The following MAGI2 variants were observed in gnomAD, a reference collection of about 807,000 sequenced individuals.
The protein encoded by MAGI2 is membrane associated guanylate kinase, WW and PDZ domain containing 2, also known as membrane-associated guanylate kinase, WW and PDZ domain-containing protein 2.
MAGI2 carries 35 observed loss-of-function variants against 133.3 expected under a neutral mutation model. The ratio of observed to expected loss-of-function variants is 0.26; its 90% CI spans 0.20 to 0.35. The LOEUF is 0.35. Among genes scored for constraint, MAGI2 ranks in the 10% least tolerant of loss-of-function variants. The pLI is 1.00. For synonymous variants in MAGI2, 729 were observed against 710.6 expected (o/e 1.03, Z -0.41); for missense variants, 1,636 against 1,863.4 (o/e 0.88, Z 2.25).
intron 15 of MAGI2, among the ~76,000 whole-genome samples, chr7:78,167,044 ATCAAGGGG>A (rs1825687853): frequency 6.6e-6 from 1 of 152,004 alleles, no homozygotes; most frequent in South Asian, 2.1e-4. Flanking sequence ...TATGAGGGCT[ATCAAGGGG>A]TCAAGCAGAG....
intron 6 of MAGI2, among the ~76,000 whole-genome samples, chr7:78,456,016 A>C (rs752430368): frequency 2.0e-5 from 3 of 151,784 alleles, no homozygotes; most frequent in Non-Finnish European, 4.4e-5. Context: ...ATCTTTGTCA[A>C]CTTGAGATGA....
At position 78,111,710 on chromosome 7, in the gene MAGI2, C is replaced by T. The variant is rs1214316117; in HGVS notation, c.3567+13984G>A. On this transcript the variant is annotated intron_variant, in intron 20 of 21. Coordinates refer to ENST00000354212, the MANE Select transcript of MAGI2 (RefSeq NM_012301.4). ...TCTGTGAGAGGCTTTTCTTTTCCTT[C>T]GTAAAAGGCATGGAGCAGGGCCAGA... Among the ~76,000 whole-genome samples the T allele has an allele frequency of 3.9e-5, 6 of 152,116 alleles. No homozygotes were observed. The South Asian group carries it at 8.3e-4, about 21-fold the overall frequency.
At chr7:78,425,320 C>A (rs144680183) in intron 6 of MAGI2, among the ~76,000 whole-genome samples, 165 of 152,256 alleles carry the variant, frequency 1.1e-3, no homozygotes, top group African/African-American at 3.3e-3. Context: ...GCTTCCTCAG[C>A]CACGTGGAAC....
intron 2 of MAGI2, among the ~76,000 whole-genome samples, chr7:78,888,534 C>A (rs950517387): frequency 1.3e-5 from 2 of 152,188 alleles, no homozygotes; most frequent in Non-Finnish European, 2.9e-5. Flanking sequence ...GACAAAACTT[C>A]CAGAGGAACG....
intron 2 of MAGI2, among the ~76,000 whole-genome samples, chr7:78,646,005 C>G (rs1810851440): frequency 6.6e-6 from 1 of 152,184 alleles, no homozygotes; most frequent in Admixed American, 6.5e-5. Context: ...TCCCAAAGTG[C>G]TGGGATTACA....
chr7:78,122,958 A>G (rs980813331), intron 20 of MAGI2, among the ~76,000 whole-genome samples: 4 of 152,266 alleles, frequency 2.6e-5, no homozygotes, highest in Non-Finnish European at 5.9e-5. Flanking sequence ...TCCCAATTTT[A>G]TTAGGCCATT....
intron 9 of MAGI2, among the ~76,000 whole-genome samples, chr7:78,271,305 G>A (rs182834712): frequency 1.3e-3 from 199 of 152,280 alleles, no homozygotes; most frequent in African/African-American, 3.5e-3. Flanking sequence ...GGATGAAGCC[G>A]ACTTGATCGT....
At chr7:78,887,598 C>G (rs542528587) in intron 2 of MAGI2, among the ~76,000 whole-genome samples, 7 of 152,338 alleles carry the variant, frequency 4.6e-5, no homozygotes, top group Admixed American at 3.3e-4. Flanking sequence ...ATAAGACTAA[C>G]CAACTGATAC....
intron 1 of MAGI2, among the ~76,000 whole-genome samples, chr7:79,116,995 G>C (rs772483655): frequency 2.6e-5 from 4 of 152,090 alleles, no homozygotes; most frequent in Admixed American, 6.6e-5. Context: ...ACAGAAAAAT[G>C]GGCTAATACA....
intron 3 of MAGI2, among the ~76,000 whole-genome samples, chr7:78,538,158 G>T (rs1193656880): frequency 6.6e-6 from 1 of 152,128 alleles, no homozygotes; most frequent in African/African-American, 2.4e-5. Context: ...TTTGTTTCTG[G>T]ATTCTCTATG....
At chr7:79,212,136 C>T (rs982101313) in intron 1 of MAGI2, among the ~76,000 whole-genome samples, 1 of 152,052 alleles carries the variant, frequency 6.6e-6, no homozygotes, top group African/African-American at 2.4e-5. Context: ...ATACTTTCTG[C>T]AATTCTTTTT....
At chr7:78,168,232 T>C in intron 14 of MAGI2, 124 bp from the exon 15 acceptor site, 1 of 733,452 alleles carries the variant, frequency 1.4e-6, no homozygotes. Context: ...CTCAGCTCAC[T>C]GCAAGCTCTG....
chr7:78,528,263 TAAAC>T (rs1046452915), intron 3 of MAGI2, among the ~76,000 whole-genome samples: 2 of 152,212 alleles, frequency 1.3e-5, no homozygotes, highest in Non-Finnish European at 2.9e-5. Flanking sequence ...ACTCTGACGT[TAAAC>T]AGAGAAAAGA....
At chr7:78,060,252 C>CG (rs1563067567) in intron 21 of MAGI2, among the ~76,000 whole-genome samples, 13 of 115,886 alleles carry the variant, frequency 1.1e-4, no homozygotes, top group East Asian at 3.3e-4. Flanking sequence ...GGACCCCCCC[C>CG]CCTCTTTAGA....
intron 4 of MAGI2, among the ~76,000 whole-genome samples, chr7:78,512,065 G>T (rs998459670): frequency 6.6e-6 from 1 of 151,988 alleles, no homozygotes; most frequent in African/African-American, 2.4e-5. Flanking sequence ...GGAGCTTGCG[G>T]TGAGCGGAGA....
intron 1 of MAGI2, among the ~76,000 whole-genome samples, chr7:79,239,529 C>T (rs944338184): frequency 6.6e-6 from 1 of 152,076 alleles, no homozygotes; most frequent in Non-Finnish European, 1.5e-5. Context: ...TATGATGTAA[C>T]AAATGATTTA....
chr7:78,675,954 C>G (rs1044431565), intron 2 of MAGI2, among the ~76,000 whole-genome samples: 4 of 152,064 alleles, frequency 2.6e-5, no homozygotes, highest in Admixed American at 1.3e-4. Flanking sequence ...CACATTGTGT[C>G]TTATGAATCA....
chr7:79,372,699 C>T (rs967935483), intron 1 of MAGI2, among the ~76,000 whole-genome samples: 3 of 152,036 alleles, frequency 2.0e-5, no homozygotes. Context: ...CTCTCCTCAG[C>T]AATTCTTCAC....
intron 18 of MAGI2, 99 bp downstream of exon 18, chr7:78,132,790 A>G (rs1821704338): frequency 3.2e-6 from 5 of 1,546,426 alleles, no homozygotes; most frequent in African/African-American, 2.8e-5. Flanking sequence ...CTACTTTATA[A>G]AAGTCTCTCT....
Sources: gnomAD v4.1 joint callset for allele counts (sites outside exome capture counted in the v4.1 genomes callset) on GRCh38, gnomAD v4.1.1 for gene constraint, MANE v1.5 for transcripts, NCBI Gene and HGNC (gene_info 2026-07-23, HGNC 2026-07-21) for gene names.